FHIT: variants seen among roughly 807,000 people sequenced by gnomAD.
FHIT encodes the protein fragile histidine triad diadenosine triphosphatase, also known as bis(5'-adenosyl)-triphosphatase.
Under a neutral mutation model 17.9 loss-of-function variants are expected in FHIT, and 19 were observed. The observed-to-expected ratio is 1.06, with a 90% CI of 0.74 to 1.56. The LOEUF (loss-of-function observed/expected upper bound fraction) is 1.56, where lower values mean the gene tolerates loss of function less well. Among genes scored for constraint, FHIT ranks in the 40% most tolerant of loss-of-function variants. The probability of loss-of-function intolerance (pLI) is 0.00; values close to 1 mark genes in which losing one functional copy is unlikely to be tolerated. For missense variants in FHIT, 248 were observed against 189.2 expected, an observed-to-expected ratio of 1.31 and a Z score of -1.82; for synonymous variants, 81 against 69.7, an observed-to-expected ratio of 1.16 and a Z score of -0.81.
At chr3:60,820,125 C>T (rs555754933) in intron 4 of FHIT, among the ~76,000 whole-genome samples, 29 of 151,970 alleles carry the variant, frequency 1.9e-4, no homozygotes, top group African/African-American at 6.0e-4. Context: ...CTGGCCAACA[C>T]GGTAAAACCC....
intron 8 of FHIT, among the ~76,000 whole-genome samples, chr3:59,906,234 T>A (rs1189322415): frequency 6.6e-6 from 1 of 152,228 alleles, no homozygotes; most frequent in Non-Finnish European, 1.5e-5. Flanking sequence ...GAAAACTATT[T>A]TTTGATTGTG....
At chr3:60,643,223 T>C (rs1030853397) in intron 4 of FHIT, among the ~76,000 whole-genome samples, 7 of 151,722 alleles carry the variant, frequency 4.6e-5, no homozygotes, top group African/African-American at 1.7e-4. Context: ...ATGTACAACA[T>C]GATTTTGTTT....
At chr3:59,814,243 G>A (rs1311262067) in intron 8 of FHIT, among the ~76,000 whole-genome samples, 4 of 152,324 alleles carry the variant, frequency 2.6e-5, no homozygotes, top group African/African-American at 4.8e-5. Context: ...AATGCTCCGC[G>A]TCTGTGGTGT....
intron 8 of FHIT, among the ~76,000 whole-genome samples, chr3:59,910,509 A>C (rs753701451): frequency 3.3e-5 from 5 of 152,124 alleles, no homozygotes; most frequent in Non-Finnish European, 5.9e-5. Flanking sequence ...TGGAGGAAGC[A>C]TTTTAGAAGA....
At position 60,123,231 on chromosome 3, in the gene FHIT, T is replaced by C. The variant is rs565692888; in HGVS notation, c.104-109079A>G. Among the ~76,000 whole-genome samples the C allele has an allele frequency of 2.5e-4, 38 of 152,332 alleles. 1 individual carries two copies. Among genetic ancestry groups the C allele is most frequent in the Middle Eastern group, 6.8e-3 (2 of 294 alleles). ...ATCTTTGCAGTATTAGCAAGATTGA[T>C]GAGAAGTAGTACAAATGAGAAGCAC... On this transcript the variant is annotated intron_variant, in intron 5 of 9. Coordinates refer to ENST00000492590, the MANE Select transcript of FHIT (RefSeq NM_002012.4).
chr3:60,333,159 C>A (rs189649918), intron 5 of FHIT, among the ~76,000 whole-genome samples: 3 of 152,158 alleles, frequency 2.0e-5, no homozygotes, highest in Non-Finnish European at 4.4e-5. Context: ...GAAATGAAAG[C>A]GCATATTGCT....
intron 4 of FHIT, among the ~76,000 whole-genome samples, chr3:60,562,469 C>T (rs906204429): frequency 6.6e-6 from 1 of 152,156 alleles, no homozygotes; most frequent in Non-Finnish European, 1.5e-5. Flanking sequence ...GTAAATGAAG[C>T]CAGCAATCCA....
intron 4 of FHIT, among the ~76,000 whole-genome samples, chr3:60,739,985 C>T (rs546929063): frequency 2.0e-5 from 3 of 152,320 alleles, no homozygotes; most frequent in African/African-American, 7.2e-5. Flanking sequence ...GAGAAATGTT[C>T]AGGTAACCAT....
intron 3 of FHIT, among the ~76,000 whole-genome samples, chr3:60,857,285 T>C (rs1163120414): frequency 6.6e-6 from 1 of 152,130 alleles, no homozygotes; most frequent in Non-Finnish European, 1.5e-5. Flanking sequence ...GGTATACCTT[T>C]TACTATTTTA....
At chr3:60,612,060 C>A (rs1177882151) in intron 4 of FHIT, among the ~76,000 whole-genome samples, 3 of 152,160 alleles carry the variant, frequency 2.0e-5, no homozygotes, top group African/African-American at 4.8e-5. Flanking sequence ...AATCACTGAA[C>A]TGGCCCAGAA....
intron 1 of FHIT, among the ~76,000 whole-genome samples, chr3:61,213,191 A>G (rs1289435909): frequency 6.6e-6 from 1 of 152,266 alleles, no homozygotes; most frequent in African/African-American, 2.4e-5. Flanking sequence ...AAATGTTCCA[A>G]TTAAAAGACA....
intron 5 of FHIT, among the ~76,000 whole-genome samples, chr3:60,106,220 G>A (rs1704403701): frequency 6.6e-6 from 1 of 152,184 alleles, no homozygotes; most frequent in Non-Finnish European, 1.5e-5. Context: ...TAGCCCCACA[G>A]AAGAGTAGTG....
intron 5 of FHIT, among the ~76,000 whole-genome samples, chr3:60,482,219 T>C (rs2033639249): frequency 6.6e-6 from 1 of 152,064 alleles, no homozygotes; most frequent in African/African-American, 2.4e-5. Flanking sequence ...TCCCACACAA[T>C]AATAGTGGGA....
intron 2 of FHIT, among the ~76,000 whole-genome samples, chr3:61,085,998 C>T (rs1253618840): frequency 6.6e-6 from 1 of 152,108 alleles, no homozygotes; most frequent in African/African-American, 2.4e-5. Flanking sequence ...GACTTTGTAT[C>T]TAGCATCCTT....
At chr3:60,117,569 T>C (rs28709472) in intron 5 of FHIT, among the ~76,000 whole-genome samples, 45,730 of 149,554 alleles carry the variant, frequency 0.31, 7,393 homozygotes, top group Non-Finnish European at 0.36. Flanking sequence ...CTTAAGAATT[T>C]AGGAGCTTGC....
At chr3:60,981,967 C>G (rs1035605935) in intron 3 of FHIT, among the ~76,000 whole-genome samples, 2 of 152,168 alleles carry the variant, frequency 1.3e-5, no homozygotes, top group Admixed American at 6.5e-5. Flanking sequence ...GAGTCCTCCC[C>G]TTCACTCCAT....
intron 5 of FHIT, among the ~76,000 whole-genome samples, chr3:60,525,822 G>A (rs976661740): frequency 1.3e-5 from 2 of 152,162 alleles, no homozygotes; most frequent in Non-Finnish European, 2.9e-5. Flanking sequence ...ACAGGTGACA[G>A]GTGGCCAGGT....
intron 7 of FHIT, among the ~76,000 whole-genome samples, chr3:59,945,826 T>G (rs1706774655): frequency 6.6e-6 from 1 of 152,184 alleles, no homozygotes; most frequent in African/African-American, 2.4e-5. Context: ...TTGTTGAAGA[T>G]CAGATGGTTG....
At chr3:59,772,498 C>T (rs1042279949) in intron 8 of FHIT, among the ~76,000 whole-genome samples, 1 of 152,298 alleles carries the variant, frequency 6.6e-6, no homozygotes, top group East Asian at 1.9e-4. Flanking sequence ...GGCAGTGTTA[C>T]TATCCCCATT....
Sources: gnomAD v4.1 joint callset for allele counts (sites outside exome capture counted in the v4.1 genomes callset) on GRCh38, gnomAD v4.1.1 for gene constraint, MANE v1.5 for transcripts, NCBI Gene and HGNC (gene_info 2026-07-23, HGNC 2026-07-21) for gene names.